DAB1: variants seen among roughly 807,000 people sequenced by gnomAD.
DAB1 encodes the protein DAB adaptor protein 1.
A neutral mutation model predicts 64.6 loss-of-function variants in DAB1; 15 were observed. That is an observed-to-expected ratio of 0.23 (90% CI 0.16 to 0.36). DAB1 has a LOEUF of 0.36. Ranked by LOEUF, DAB1 falls within the 10% of genes least tolerant of loss-of-function variation. The pLI is 1.00. For missense variants in DAB1, 596 were observed against 706.7 expected, an observed-to-expected ratio of 0.84 and a Z score of 1.78; for synonymous variants, 235 against 251.9, an observed-to-expected ratio of 0.93 and a Z score of 0.64.
intron 1 of DAB1, among the ~76,000 whole-genome samples, chr1:57,872,650 C>T (rs966591821): frequency 6.6e-6 from 1 of 152,080 alleles, no homozygotes; most frequent in Non-Finnish European, 1.5e-5. Context: ...CAACATGTAA[C>T]GGACAGCTGG....
Position 57,126,718 on chromosome 1 carries a change from C to G in DAB1, c.306+9825G>C, listed in dbSNP as rs188125616. ...TGCAGTTCAATATGCATACTTCTAA[C>G]AAGTAACTCTTCAAATTCAGGCCTG... On this transcript the variant is annotated intron_variant, in intron 4 of 14. Coordinates refer to ENST00000371236, the MANE Select transcript of DAB1 (RefSeq NM_001365792.1). 1.8e-3 allele frequency among the ~76,000 whole-genome samples: 267 copies of G among 152,280 alleles called. 3 individuals carry two copies. The highest frequency in any genetic ancestry group is 5.4e-4 in the Non-Finnish European group (37 of 68,022).
intron 6 of DAB1, among the ~76,000 whole-genome samples, chr1:57,813,664 T>G (rs1438513323): frequency 6.6e-6 from 1 of 152,114 alleles, no homozygotes. Context: ...AGCTGTTAGA[T>G]GAAAAGCACA....
chr1:57,576,021 G>A (rs185751429), intron 7 of DAB1, among the ~76,000 whole-genome samples: 1 of 152,178 alleles, frequency 6.6e-6, no homozygotes, highest in East Asian at 1.9e-4. Flanking sequence ...ATTACAGGCA[G>A]TCCCCAACTT....
chr1:58,089,564 A>T (rs930018194), intron 5 of DAB1, among the ~76,000 whole-genome samples: 1 of 152,238 alleles, frequency 6.6e-6, no homozygotes, highest in Non-Finnish European at 1.5e-5. Flanking sequence ...GTAAAAAATA[A>T]AATGGTCTGA....
chr1:57,383,635 C>T (rs1681560052), intron 1 of DAB1, among the ~76,000 whole-genome samples: 2 of 152,080 alleles, frequency 1.3e-5, no homozygotes, highest in African/African-American at 2.4e-5. Flanking sequence ...TGATTTTTGA[C>T]AAGGGTTAAA....
chr1:57,745,311 T>A (rs969776717), intron 6 of DAB1, among the ~76,000 whole-genome samples: 1 of 152,196 alleles, frequency 6.6e-6, no homozygotes, highest in African/African-American at 2.4e-5. Flanking sequence ...GGCTCACCAA[T>A]GTTTGTTGAA....
At chr1:57,021,983 A>G (rs568132352) in intron 11 of DAB1, among the ~76,000 whole-genome samples, 1 of 152,160 alleles carries the variant, frequency 6.6e-6, no homozygotes, top group East Asian at 1.9e-4. Context: ...TCTGGTCTGC[A>G]TTTTCTTTTG....
chr1:57,415,775 A>G lies in DAB1; in HGVS notation c.-137+8155T>C, dbSNP rs77498182. ...TGCAATTCAAGACAAGCACCACCAC[A>G]TGCCATCATTATAGGTACTGCTACA... On this transcript the variant is annotated intron_variant, in intron 1 of 14. Transcript: ENST00000371236. Among the ~76,000 whole-genome samples the G allele has an allele frequency of 8.0e-3, 1,215 of 152,270 alleles. 10 individuals are homozygous for G. The highest frequency in any genetic ancestry group is 0.01 in the Non-Finnish European group (696 of 68,000).
At chr1:57,414,374 G>A (rs1314955800) in intron 1 of DAB1, among the ~76,000 whole-genome samples, 1 of 152,212 alleles carries the variant, frequency 6.6e-6, no homozygotes, top group African/African-American at 2.4e-5. Context: ...AAAAGATTAT[G>A]ACTTGCTGAA....
intron 4 of DAB1, among the ~76,000 whole-genome samples, chr1:58,252,336 A>G (rs1383725497): frequency 6.6e-6 from 1 of 152,214 alleles, no homozygotes; most frequent in Non-Finnish European, 1.5e-5. Flanking sequence ...TCAAGCAGGA[A>G]ACATTTCGAG....
chr1:58,086,457 CCTAT>C (rs774098196), intron 5 of DAB1, among the ~76,000 whole-genome samples: 1 of 152,292 alleles, frequency 6.6e-6, no homozygotes, highest in South Asian at 2.1e-4. Flanking sequence ...TACCCTGCCT[CCTAT>C]CTGTCACTGA....
At chr1:58,342,892 T>C (rs1302756079) in intron 4 of DAB1, among the ~76,000 whole-genome samples, 1 of 152,156 alleles carries the variant, frequency 6.6e-6, no homozygotes, top group Non-Finnish European at 1.5e-5. Flanking sequence ...ACATTGGTTG[T>C]TCAAATTTGG....
chr1:58,341,947 A>C (rs998378777), intron 4 of DAB1, among the ~76,000 whole-genome samples: 1 of 152,198 alleles, frequency 6.6e-6, no homozygotes, highest in African/African-American at 2.4e-5. Context: ...TATTTCCAGC[A>C]TCTAAGATAT....
intron 1 of DAB1, among the ~76,000 whole-genome samples, chr1:57,315,313 T>G (rs267642): frequency 0.076 from 11,602 of 152,250 alleles, 581 homozygotes; most frequent in South Asian, 0.16. Context: ...GTTTGCTCAT[T>G]GTCTATCTTA....
At chr1:57,404,970 A>G (rs962716003) in intron 1 of DAB1, among the ~76,000 whole-genome samples, 2 of 152,228 alleles carry the variant, frequency 1.3e-5, no homozygotes, top group Non-Finnish European at 2.9e-5. Context: ...CATTCACTCA[A>G]TTCCACAGTA....
chr1:58,384,338 T>C (rs939262417), intron 3 of DAB1, among the ~76,000 whole-genome samples: 10 of 152,146 alleles, frequency 6.6e-5, no homozygotes, highest in African/African-American at 2.2e-4. Context: ...TAAATAGTCA[T>C]GTTGAAGTAG....
intron 4 of DAB1, among the ~76,000 whole-genome samples, chr1:58,178,012 G>C (rs1334293226): frequency 6.6e-6 from 1 of 152,178 alleles, no homozygotes; most frequent in African/African-American, 2.4e-5. Context: ...AAGCTCAGTT[G>C]CTTCAGTGGA....
chr1:57,233,653 G>A (rs923739210), intron 2 of DAB1, among the ~76,000 whole-genome samples: 25 of 151,562 alleles, frequency 1.6e-4, no homozygotes, highest in Non-Finnish European at 3.4e-4. Flanking sequence ...CAGCTACTCA[G>A]GAGGCTGAGG....
At chr1:58,117,889 G>A (rs1652444096) in intron 5 of DAB1, among the ~76,000 whole-genome samples, 1 of 150,666 alleles carries the variant, frequency 6.6e-6, no homozygotes, top group Non-Finnish European at 1.5e-5. Context: ...GGGCCAGGTG[G>A]GGGTACAGAC....
Sources: allele counts gnomAD v4.1 joint callset (sites outside exome capture counted in the v4.1 genomes callset), GRCh38; gene constraint gnomAD v4.1.1; transcripts MANE v1.5; gene names NCBI Gene and HGNC (gene_info 2026-07-23, HGNC 2026-07-21).